The following XPC variants were observed in gnomAD, a reference collection of about 807,000 sequenced individuals.
The protein encoded by XPC is DNA repair protein complementing XP-C cells.
XPC carries 76 observed loss-of-function variants against 95.8 expected under a neutral mutation model. The ratio of observed to expected loss-of-function variants is 0.79; its 90% CI spans 0.66 to 0.96. XPC has a LOEUF of 0.96. Among genes scored for constraint, XPC ranks in the 40% least tolerant of loss-of-function variants. XPC has a pLI of 0.00. For missense variants in XPC, 1,146 were observed against 1,179.8 expected, an observed-to-expected ratio of 0.97 and a Z score of 0.42; for synonymous variants, 442 against 442.1, an observed-to-expected ratio of 1.00 and a Z score of 0.00.
intron 7 of XPC, among the ~76,000 whole-genome samples, chr3:14,162,937 T>G (rs1322885902): frequency 6.6e-6 from 1 of 151,966 alleles, no homozygotes; most frequent in Admixed American, 6.6e-5. Context: ...GGCAACATAA[T>G]TAAAAAATAG....
chr3:14,160,641 A>G (rs1696132909), intron 7 of XPC, among the ~76,000 whole-genome samples: 1 of 152,256 alleles, frequency 6.6e-6, no homozygotes, highest in Non-Finnish European at 1.5e-5. Context: ...ACTGTCACAC[A>G]CTGGAGGAGA....
At chr3:14,152,732 C>T (rs775128447) in intron 10 of XPC, 1 of 291,786 alleles carries the variant, frequency 3.4e-6, no homozygotes, top group Non-Finnish European at 6.4e-6. Flanking sequence ...TGCAGACTAT[C>T]AGGATGGGGT....
Position 14,145,558 on chromosome 3 carries a change from C to T in XPC, c.*383G>A, listed in dbSNP as rs947010598. On this transcript the variant is annotated 3_prime_UTR_variant, in exon 16 of 16. Coordinates refer to ENST00000285021, the MANE Select transcript of XPC (RefSeq NM_004628.5). Reference sequence around the variant, plus strand: ...CTGGAAGAAACGATCAGCGCATTCACGGATGCACCACCATCCAGAAATCTC... The same window carrying T: ...CTGGAAGAAACGATCAGCGCATTCATGGATGCACCACCATCCAGAAATCTC... 1.4e-6 allele frequency: 1 copy of T among 699,976 alleles called. No individual in the cohort carries two copies. The highest frequency in any genetic ancestry group is 2.6e-6 in the Non-Finnish European group (1 of 384,782). 43.4% of individuals were successfully genotyped at this position (699,976 alleles called of 1,614,324 possible).
At chr3:14,147,069 G>A (rs976678183) in intron 15 of XPC, among the ~76,000 whole-genome samples, 4 of 152,196 alleles carry the variant, frequency 2.6e-5, no homozygotes, top group African/African-American at 7.2e-5. Flanking sequence ...GGGGACACTG[G>A]GACAGGGCTT....
intron 7 of XPC, among the ~76,000 whole-genome samples, chr3:14,161,064 G>C (rs987376243): frequency 6.6e-6 from 1 of 152,128 alleles, no homozygotes; most frequent in Admixed American, 6.5e-5. Context: ...AGAACTGTAC[G>C]ATCCCTACAA....
chr3:14,147,909 T>A lies in XPC; in HGVS notation c.2513A>T (p.Glu838Val), dbSNP rs1695508350. 1 of 1,598,112 alleles carries A rather than the reference T, an allele frequency of 6.3e-7. No individual in the cohort carries two copies. Among genetic ancestry groups the A allele is most frequent in the Non-Finnish European group, 8.5e-7 (1 of 1,171,512 alleles). The change falls in exon 14 of 16, where the codon GAG becomes GTG. Residue 838 changes from glutamate to valine, a missense_variant and splice_region_variant. Transcript: ENST00000285021. ...EQAVIERKEKEKKEKRALGNW... is the reference protein window; with the variant it reads ...EQAVIERKEKVKKEKRALGNW... ...CCTCAGTCCTGCATATGCGCTTACC[T>A]CCTTCTCCTTCCTTTCAATGACTGC...
chr3:14,148,001 C>A lies in XPC; in HGVS notation c.2421G>T (p.Val807=). Residue 807 remains valine, a splice_region_variant and synonymous_variant, in exon 14 of 16, where the codon GTG becomes GTT. Coordinates refer to ENST00000285021, the MANE Select transcript of XPC (RefSeq NM_004628.5). The stretch of plus-strand genomic sequence containing the variant: ...CCTCGCAGACGATGTATCCATCAGT[C>A]CTGTGGGGACACAACGCGATGTCAA... ...FDFHGGYSHP[V]TDGYIVCEEF... 1 of 1,576,884 alleles carries A rather than the reference C, an allele frequency of 6.3e-7. No individual in the cohort carries two copies. Among genetic ancestry groups the A allele is most frequent in the South Asian group, 1.2e-5 (1 of 86,426 alleles).
chr3:14,152,960 G>A (rs991696363), intron 10 of XPC: 1 of 152,274 alleles, frequency 6.6e-6, no homozygotes, highest in Non-Finnish European at 1.5e-5. Flanking sequence ...GATTCCTGCA[G>A]GCAAAGTTCC....
At chr3:14,161,597 G>A (rs940256367) in intron 7 of XPC, among the ~76,000 whole-genome samples, 1 of 143,080 alleles carries the variant, frequency 7.0e-6, no homozygotes, top group South Asian at 2.2e-4. Flanking sequence ...AAAGAAAAAC[G>A]CACCTGAGAC....
chr3:14,152,572 G>A, intron 10 of XPC, 156 bp from the exon 11 acceptor site: 1 of 622,242 alleles, frequency 1.6e-6, no homozygotes, highest in Non-Finnish European at 2.7e-6. Context: ...GCTGTGCTAG[G>A]CAAACAGCCT....
rs1035306197 is a variant in XPC at position 14,145,987 on chromosome 3, T to C, written c.2777A>G (p.Glu926Gly). ...CAGGTGGGAAGCTGCTGCTTTCTTTTCCCTTTTGGTCTTCTTGGGCCCACC... is the reference window on the plus strand; with the variant it reads ...CAGGTGGGAAGCTGCTGCTTTCTTTCCCCTTTTGGTCTTCTTGGGCCCACC... ...LKGGPKKTKR[E>G]KKAAASHLFP... Residue 926 changes from glutamate (E) to glycine (G), a missense_variant, in exon 16 of 16, where the codon GAA becomes GGA. Physicochemically the swap from Glu to Gly is moderately conservative, Grantham distance 98. Coordinates refer to ENST00000285021, the MANE Select transcript of XPC (RefSeq NM_004628.5). 5 of 1,608,642 alleles carry C rather than the reference T, an allele frequency of 3.1e-6. No individual in the cohort carries two copies. In the African/African-American group the frequency reaches 4.0e-5, roughly 13 times the overall value.
intron 9 of XPC, 30 bp from the exon 10 acceptor site, chr3:14,156,525 A>G (rs56399928): frequency 6.2e-7 from 1 of 1,613,518 alleles, no homozygotes; most frequent in East Asian, 2.2e-5. Context: ...AAGGTTGAGC[A>G]TGTTATTTAG....
rs1696061042 is a variant in XPC at position 14,159,007 on chromosome 3, A to G, written c.991-115T>C. On this transcript the variant is annotated intron_variant, in intron 8 of 15. Transcript: ENST00000285021. Reference sequence around the variant, plus strand: ...CACCAGCTAGAGAACCAATACATCAAGATGTCCCCAGCTCAGACAGTGATC... The same window carrying G: ...CACCAGCTAGAGAACCAATACATCAGGATGTCCCCAGCTCAGACAGTGATC... The G allele has an allele frequency of 3.0e-6, 4 of 1,324,146 alleles. No homozygotes were observed. The South Asian group carries it at 5.1e-5, about 17-fold the overall frequency. 82.0% of individuals were successfully genotyped at this position (1,324,146 alleles called of 1,614,324 possible).
intron 7 of XPC, among the ~76,000 whole-genome samples, chr3:14,162,722 G>T (rs536264470): frequency 6.6e-6 from 1 of 152,214 alleles, no homozygotes; most frequent in South Asian, 2.1e-4. Context: ...TGGAATCTTA[G>T]ATACGACACC....
At chr3:14,166,090 C>T (rs577003599) in intron 5 of XPC, 4 of 156,884 alleles carry the variant, frequency 2.5e-5, no homozygotes, top group African/African-American at 9.6e-5. Context: ...ACATCTTTGC[C>T]CTTCCTCTGA....
rs1468145351 is a variant in XPC at position 14,147,960 on chromosome 3, A to G, written c.2462T>C (p.Leu821Pro). The change falls in exon 14 of 16, where the codon CTC becomes CCC. Residue 821 changes from leucine (L) to proline (P), a missense_variant. Transcript: ENST00000285021. The stretch of plus-strand genomic sequence containing the variant: ...CTGCTCATTTTCCCAGGCAGTCAGG[A>G]GCACGTCTTTGAATTCCTCGCAGAC... ...YIVCEEFKDV[L>P]LTAWENEQAV... 2 of 1,602,504 alleles carry G rather than the reference A, an allele frequency of 1.2e-6. No individual in the cohort carries two copies. Among genetic ancestry groups the G allele is most frequent in the African/African-American group, 1.3e-5 (1 of 74,804 alleles).
intron 10 of XPC, 74 bp from the exon 11 acceptor site, chr3:14,152,490 C>A: frequency 6.3e-6 from 9 of 1,420,574 alleles, no homozygotes; most frequent in Non-Finnish European, 6.7e-6. Flanking sequence ...CAGTGGAGAG[C>A]GCAGCCCTGC....
chr3:14,178,432 G>A, intron 1 of XPC, 34 bp downstream of exon 1: 1 of 1,572,204 alleles, frequency 6.4e-7, no homozygotes, highest in East Asian at 2.3e-5. Flanking sequence ...CACCGGCGGC[G>A]TCTCCCGCGA....
chr3:14,155,496 CT>C (rs369751068), intron 10 of XPC, among the ~76,000 whole-genome samples: 2 of 152,016 alleles, frequency 1.3e-5, no homozygotes, highest in East Asian at 1.9e-4. Flanking sequence ...TTATTCCACT[CT>C]TTTTTTAGCT....
Sources: allele counts gnomAD v4.1 joint callset (sites outside exome capture counted in the v4.1 genomes callset), GRCh38; gene constraint gnomAD v4.1.1; transcripts MANE v1.5; gene names NCBI Gene and HGNC (gene_info 2026-07-23, HGNC 2026-07-21).